NCAM2: variants seen among roughly 807,000 people sequenced by gnomAD.
NCAM2 encodes the protein neural cell adhesion molecule 2, also known as N-CAM-2.
A neutral mutation model predicts 98.1 loss-of-function variants in NCAM2; 30 were observed. The ratio of observed to expected loss-of-function variants is 0.31; its 90% CI spans 0.23 to 0.41. NCAM2 has a LOEUF of 0.41. Among genes scored for constraint, NCAM2 ranks in the 10% least tolerant of loss-of-function variants. The pLI, the probability that NCAM2 is intolerant of heterozygous loss-of-function variation, is 1.00. For missense variants in NCAM2, 867 were observed against 1,005.8 expected (o/e 0.86, Z 1.87); for synonymous variants, 368 against 342.4 (o/e 1.07, Z -0.83).
At position 21,174,683 on chromosome 21, in the gene NCAM2, A is replaced by G. The variant is rs545567083; in HGVS notation, c.56-105895A>G. On this transcript the variant is annotated intron_variant, in intron 1 of 17. Transcript: ENST00000400546. ...CTGTTAGGTGCTTGTCAGGGAACAA[A>G]TAAAATTACTGCCTTTAGGGAGAAA... Among the ~76,000 whole-genome samples the G allele has an allele frequency of 5.3e-5, 8 of 152,314 alleles. No individual in the cohort carries two copies. The South Asian group carries it at 1.5e-3, about 28-fold the overall frequency.
At chr21:21,310,518 G>A (rs759761703) in intron 5 of NCAM2, among the ~76,000 whole-genome samples, 128 of 152,112 alleles carry the variant, frequency 8.4e-4, no homozygotes, top group Non-Finnish European at 1.7e-3. Flanking sequence ...CCTCAAATAG[G>A]CAGAATTAAA....
chr21:21,464,211 A>G (rs1384718929), intron 12 of NCAM2, among the ~76,000 whole-genome samples: 1 of 152,116 alleles, frequency 6.6e-6, no homozygotes, highest in Non-Finnish European at 1.5e-5. Context: ...AGGATATCAC[A>G]GAAATATGGA....
At chr21:21,016,720 A>G (rs888071617) in intron 1 of NCAM2, among the ~76,000 whole-genome samples, 1 of 152,262 alleles carries the variant, frequency 6.6e-6, no homozygotes, top group Non-Finnish European at 1.5e-5. Context: ...TTTAATACCT[A>G]TATCTGCTTA....
At chr21:21,269,855 T>C (rs1212052527) in intron 1 of NCAM2, among the ~76,000 whole-genome samples, 3 of 152,168 alleles carry the variant, frequency 2.0e-5, no homozygotes, top group Non-Finnish European at 4.4e-5. Flanking sequence ...TTAAGCAATG[T>C]AAGTGTTGAA....
At chr21:21,453,440 G>A (rs1001007578) in intron 12 of NCAM2, among the ~76,000 whole-genome samples, 2 of 152,022 alleles carry the variant, frequency 1.3e-5, no homozygotes, top group Non-Finnish European at 2.9e-5. Flanking sequence ...AGATAGCCAA[G>A]CCAATGTCCC....
chr21:21,282,142 T>A (rs1601856428), intron 2 of NCAM2, among the ~76,000 whole-genome samples: 1 of 152,008 alleles, frequency 6.6e-6, no homozygotes, highest in African/African-American at 2.4e-5. Flanking sequence ...TTACTGTTTC[T>A]AAATCCCATC....
intron 9 of NCAM2, among the ~76,000 whole-genome samples, chr21:21,403,297 T>A: frequency 6.6e-6 from 1 of 152,148 alleles, no homozygotes; most frequent in Non-Finnish European, 1.5e-5. Context: ...GGGTTGCAGT[T>A]ATATAACAAT....
intron 2 of NCAM2, among the ~76,000 whole-genome samples, chr21:21,282,118 C>T (rs1022826864): frequency 4.6e-5 from 7 of 151,804 alleles, no homozygotes; most frequent in Non-Finnish European, 1.0e-4. Flanking sequence ...AGAAATTTGA[C>T]ACAAGCATAT....
At chr21:21,467,412 G>GTGTATATATATCTTTATATA (rs1983840645) in intron 13 of NCAM2, among the ~76,000 whole-genome samples, 2 of 41,446 alleles carry the variant, frequency 4.8e-5, no homozygotes, top group Non-Finnish European at 1.3e-4. Context: ...TTGTATATGT[G>GTGTATATATATCTTTATATA]TATATATATA....
chr21:21,299,946 A>C (rs948720160), intron 5 of NCAM2, among the ~76,000 whole-genome samples: 3 of 151,970 alleles, frequency 2.0e-5, no homozygotes, highest in Non-Finnish European at 2.9e-5. Flanking sequence ...ATATACTTTA[A>C]ATCAGCTCTA....
chr21:21,202,408 C>CT (rs11385750), intron 1 of NCAM2, among the ~76,000 whole-genome samples: 41,710 of 79,016 alleles, frequency 0.53, 12,276 homozygotes, highest in South Asian at 0.72. Flanking sequence ...AGCAAATATC[C>CT]TTTTTTTTTT....
intron 1 of NCAM2, among the ~76,000 whole-genome samples, chr21:21,103,013 A>T (rs371065586): frequency 2.8e-4 from 43 of 152,172 alleles, no homozygotes; most frequent in Admixed American, 7.2e-4. Flanking sequence ...TTATGAAAGG[A>T]TTCATTCTTG....
At chr21:21,002,759 T>C (rs990285413) in intron 1 of NCAM2, among the ~76,000 whole-genome samples, 9 of 152,194 alleles carry the variant, frequency 5.9e-5, no homozygotes, top group Non-Finnish European at 1.3e-4. Context: ...TGAGTGTTGA[T>C]ATGTGCAAAA....
intron 1 of NCAM2, among the ~76,000 whole-genome samples, chr21:21,116,334 T>C (rs1411299099): frequency 6.6e-6 from 1 of 152,124 alleles, no homozygotes; most frequent in Admixed American, 6.5e-5. Flanking sequence ...TGAGAGATTA[T>C]ATAAATTAAA....
chr21:21,350,312 A>G (rs941879612), intron 8 of NCAM2, among the ~76,000 whole-genome samples: 1 of 152,202 alleles, frequency 6.6e-6, no homozygotes, highest in Non-Finnish European at 1.5e-5. Context: ...TTCAGAGTTC[A>G]TCTTCAATGA....
chr21:21,359,016 A>G (rs1259428613), intron 8 of NCAM2, among the ~76,000 whole-genome samples: 2 of 152,042 alleles, frequency 1.3e-5, no homozygotes, highest in Non-Finnish European at 2.9e-5. Flanking sequence ...CTTTAAATTG[A>G]AAACAAAAGT....
chr21:21,445,282 T>C (rs891489018), intron 12 of NCAM2, among the ~76,000 whole-genome samples: 3 of 152,164 alleles, frequency 2.0e-5, no homozygotes, highest in African/African-American at 4.8e-5. Flanking sequence ...ATAAATGCCA[T>C]ATGGAACTGA....
At chr21:21,452,079 T>C (rs1016306948) in intron 12 of NCAM2, among the ~76,000 whole-genome samples, 4 of 151,718 alleles carry the variant, frequency 2.6e-5, no homozygotes, top group Non-Finnish European at 5.9e-5. Flanking sequence ...TCTTTCGTTT[T>C]AGGATATAGT....
chr21:21,351,775 C>T (rs1468128315), intron 8 of NCAM2, among the ~76,000 whole-genome samples: 1 of 152,168 alleles, frequency 6.6e-6, no homozygotes, highest in African/African-American at 2.4e-5. Context: ...TAGACAGAGT[C>T]TAGCTCTGTT....
Sources: gnomAD v4.1 joint callset for allele counts (sites outside exome capture counted in the v4.1 genomes callset) on GRCh38, gnomAD v4.1.1 for gene constraint, MANE v1.5 for transcripts, NCBI Gene and HGNC (gene_info 2026-07-23, HGNC 2026-07-21) for gene names.